EFHD2: variants seen among roughly 807,000 people sequenced by gnomAD.
The protein encoded by EFHD2 is EF-hand domain-containing protein D2.
EFHD2 carries 12 observed loss-of-function variants against 20.3 expected under a neutral mutation model. The observed-to-expected ratio is 0.59, with a 90% CI of 0.38 to 0.96. The LOEUF is 0.96. Ranked by LOEUF, EFHD2 falls within the 40% of genes least tolerant of loss-of-function variation. The pLI, the probability that EFHD2 is intolerant of heterozygous loss-of-function variation, is 0.00. For synonymous variants in EFHD2, 131 were observed against 143.9 expected, an observed-to-expected ratio of 0.91 and a Z score of 0.64; for missense variants, 250 against 334.3, an observed-to-expected ratio of 0.75 and a Z score of 1.97.
Position 15,417,201 on chromosome 1 carries a change from C to T in EFHD2, c.308+6922C>T, listed in dbSNP as rs549956955. On this transcript the variant is annotated intron_variant, in intron 1 of 3. Transcript: ENST00000375980. Reference sequence around the variant, plus strand: ...GGCTCAGGCCCCCGCACAGCCGTCTCCCCACCACTTCCTGAGGTTGACCTA... The same window carrying T: ...GGCTCAGGCCCCCGCACAGCCGTCTTCCCACCACTTCCTGAGGTTGACCTA... 2.5e-4 allele frequency among the ~76,000 whole-genome samples: 38 copies of T among 152,228 alleles called. 1 individual carries two copies. The highest frequency in any genetic ancestry group is 6.2e-4 in the South Asian group (3 of 4,838).
At chr1:15,419,972 T>C (rs1405919629) in intron 1 of EFHD2, among the ~76,000 whole-genome samples, 1 of 152,138 alleles carries the variant, frequency 6.6e-6, no homozygotes, top group African/African-American at 2.4e-5. Context: ...CTCCCAGAGA[T>C]GCTGGGGCTT....
chr1:15,427,828 C>A, intron 3 of EFHD2: 1 of 455,114 alleles, frequency 2.2e-6, no homozygotes, highest in South Asian at 1.6e-5. Context: ...TAAGAACATT[C>A]CTTCCAGAGA....
At chr1:15,427,710 C>T (rs1707897976) in intron 3 of EFHD2, among the ~76,000 whole-genome samples, 1 of 152,346 alleles carries the variant, frequency 6.6e-6, no homozygotes, top group East Asian at 1.9e-4. Context: ...ATGACACCCT[C>T]CCCTTTCAGC....
intron 1 of EFHD2, among the ~76,000 whole-genome samples, chr1:15,417,981 CTTTTTTTTTTTTTT>C (rs57589251): frequency 3.1e-5 from 3 of 97,090 alleles, no homozygotes; most frequent in African/African-American, 8.4e-5. Flanking sequence ...CTTTCTTTTT[CTTTTTTTTTTTTTT>C]TTTTTTTTTT....
chr1:15,424,504 A>C (rs922546423), intron 1 of EFHD2, among the ~76,000 whole-genome samples: 2 of 152,110 alleles, frequency 1.3e-5, no homozygotes, highest in Admixed American at 1.3e-4. Context: ...AGAACCTGAG[A>C]GTGCAGGGCA....
chr1:15,416,142 G>A (rs1005864815), intron 1 of EFHD2, among the ~76,000 whole-genome samples: 1 of 152,066 alleles, frequency 6.6e-6, no homozygotes, highest in East Asian at 1.9e-4. Flanking sequence ...CCACACCCCC[G>A]GCCCAGGACT....
chr1:15,410,186 C>G lies in EFHD2; in HGVS notation c.215C>G (p.Pro72Arg). Residue 72 changes from proline (P) to arginine (R), a missense_variant, in exon 1 of 4, where the codon CCC becomes CGC. Pro to Arg is a moderately radical substitution (Grantham distance 103). Around this residue, in one of 3 missense-constraint regions of EFHD2, gnomAD observed 143 missense variants for 190.6 expected, o/e 0.75. Coordinates refer to ENST00000375980, the MANE Select transcript of EFHD2 (RefSeq NM_024329.6). ...RADLNQGIGEPQSPSRRVFNP... is the reference protein window; with the variant it reads ...RADLNQGIGERQSPSRRVFNP... ...GACCTCAACCAGGGCATCGGCGAGCCCCAGTCGCCCAGCCGCCGCGTCTTC... is the reference window on the plus strand; with the variant it reads ...GACCTCAACCAGGGCATCGGCGAGCGCCAGTCGCCCAGCCGCCGCGTCTTC... 1 of 1,605,546 alleles carries G rather than the reference C, an allele frequency of 6.2e-7. No homozygotes were observed. Among genetic ancestry groups the G allele is most frequent in the South Asian group, 1.1e-5 (1 of 89,958 alleles).
chr1:15,414,343 G>A (rs894693426), intron 1 of EFHD2, among the ~76,000 whole-genome samples: 1 of 152,244 alleles, frequency 6.6e-6, no homozygotes, highest in African/African-American at 2.4e-5. Flanking sequence ...ACCTCTCCCA[G>A]GAGCCCTTCC....
At chr1:15,410,436 T>G (rs888705869) in intron 1 of EFHD2, among the ~76,000 whole-genome samples, 157 bp downstream of exon 1, 4 of 151,056 alleles carry the variant, frequency 2.6e-5, no homozygotes, top group Non-Finnish European at 5.9e-5. Context: ...GGCGGCCCCT[T>G]CCAGATCGAG....
chr1:15,423,662 A>G (rs1405468459), intron 1 of EFHD2, among the ~76,000 whole-genome samples: 3 of 152,226 alleles, frequency 2.0e-5, no homozygotes, highest in South Asian at 2.1e-4. Context: ...GCATAAAGAC[A>G]GATCTCAGTA....
chr1:15,416,610 G>A (rs1707676229), intron 1 of EFHD2, among the ~76,000 whole-genome samples: 1 of 152,142 alleles, frequency 6.6e-6, no homozygotes, highest in Non-Finnish European at 1.5e-5. Flanking sequence ...CAGTTAAGGA[G>A]GCTGGACTTT....
chr1:15,410,016 G>C lies in EFHD2; in HGVS notation c.45G>C (p.Gln15His). The change falls in exon 1 of 4, where the codon CAG (glutamine) becomes CAC (histidine). Residue 15 changes from glutamine (Q) to histidine (H), a missense_variant. Physicochemically the swap from Gln to His is conservative, Grantham distance 24. Coordinates refer to ENST00000375980, the MANE Select transcript of EFHD2 (RefSeq NM_024329.6). Reference protein sequence around the residue: ...ELATKLSRRLQMEGEGGGETP... With the variant: ...ELATKLSRRLHMEGEGGGETP... ...CCACCAAGCTGAGCCGGCGGCTGCA[G>C]ATGGAGGGCGAGGGCGGCGGCGAGA... 1 of 1,267,902 alleles carries C rather than the reference G, an allele frequency of 7.9e-7. No homozygotes were observed. Among genetic ancestry groups the C allele is most frequent in the East Asian group, 3.3e-5 (1 of 30,354 alleles). 78.5% of individuals were successfully genotyped at this position (1,267,902 alleles called of 1,614,324 possible). A position where few individuals can be genotyped will look rare whatever the true frequency, so the allele number is the denominator to read the frequency against.
intron 3 of EFHD2, among the ~76,000 whole-genome samples, chr1:15,428,356 G>A (rs972720747): frequency 3.3e-5 from 5 of 152,188 alleles, no homozygotes; most frequent in African/African-American, 7.2e-5. Flanking sequence ...AATTAGCCGG[G>A]CATGGTGGAG....
At chr1:15,415,321 G>A (rs1707642164) in intron 1 of EFHD2, among the ~76,000 whole-genome samples, 1 of 152,110 alleles carries the variant, frequency 6.6e-6, no homozygotes, top group Non-Finnish European at 1.5e-5. Flanking sequence ...TCTCATGAAT[G>A]ACACCATGCT....
rs954773144 is a variant in EFHD2, at chr1:15,410,205, C to T, written c.234C>T (p.Arg78=). The change falls in exon 1 of 4, where the codon CGC becomes CGT. Residue 78 remains arginine, a synonymous_variant. Coordinates refer to ENST00000375980, the MANE Select transcript of EFHD2 (RefSeq NM_024329.6). ...GIGEPQSPSR[R]VFNPYTEFKE... ...GCGAGCCCCAGTCGCCCAGCCGCCG[C>T]GTCTTCAACCCCTACACCGAGTTCA... 2 of 1,605,844 alleles carry T rather than the reference C, an allele frequency of 1.2e-6. No homozygotes were observed. The highest frequency in any genetic ancestry group is 1.4e-5 in the African/African-American group (1 of 73,676).
chr1:15,429,741 G>A lies in EFHD2; in HGVS notation c.*1017G>A, dbSNP rs1369573398. 6.6e-6 allele frequency: 1 copy of A among 152,624 alleles called. No individual in the cohort carries two copies. The highest frequency in any genetic ancestry group is 1.5e-5 in the Non-Finnish European group (1 of 68,128). The allele number at this position is 152,624 out of a possible 1,614,324, so 9.5% of individuals were successfully genotyped here. A position where few individuals can be genotyped will look rare whatever the true frequency, so the allele number is the denominator to read the frequency against. Reference sequence around the variant, plus strand: ...AGTGACGTCCACTGCCTTGTCACCAGCGACCTGCCTGTCATGCCCACCCCC... The same window carrying A: ...AGTGACGTCCACTGCCTTGTCACCAACGACCTGCCTGTCATGCCCACCCCC... On this transcript the variant is annotated 3_prime_UTR_variant, in exon 4 of 4. Coordinates refer to ENST00000375980, the MANE Select transcript of EFHD2 (RefSeq NM_024329.6).
intron 1 of EFHD2, among the ~76,000 whole-genome samples, chr1:15,421,786 G>T (rs1707795651): frequency 6.6e-6 from 1 of 152,196 alleles, no homozygotes; most frequent in African/African-American, 2.4e-5. Flanking sequence ...CTGACCTGCT[G>T]GTTATGGGAC....
chr1:15,410,070 A>AGCGGCGGCG lies in EFHD2; in HGVS notation c.107_115dup (p.Ala36_Ala38dup). The AGCGGCGGCG allele has an allele frequency of 7.3e-7, 1 of 1,377,258 alleles. No individual in the cohort carries two copies. The highest frequency in any genetic ancestry group is 9.3e-7 in the Non-Finnish European group (1 of 1,069,998). 85.3% of individuals were successfully genotyped at this position (1,377,258 alleles called of 1,614,324 possible). A position where few individuals can be genotyped will look rare whatever the true frequency, so the allele number is the denominator to read the frequency against. On this transcript the variant is annotated inframe_insertion, in exon 1 of 4. Transcript: ENST00000375980. ...CGGAGCAGCCCGGGCTGAACGGGGC[A>AGCGGCGGCG]GCGGCGGCGGCGGCGGGGGCACCCG...
rs2103283124 is a variant in EFHD2 at position 15,430,138 on chromosome 1, T to G, written c.*1414T>G. 6.6e-6 allele frequency: 1 copy of G among 152,612 alleles called. No homozygotes were observed. The highest frequency in any genetic ancestry group is 1.9e-4 in the East Asian group (1 of 5,200). The allele number at this position is 152,612 out of a possible 1,614,324, so 9.5% of individuals were successfully genotyped here. A position where few individuals can be genotyped will look rare whatever the true frequency, so the allele number is the denominator to read the frequency against. ...AGGCACCGAGCCCAGCGCAGCAGCC[T>G]CGGACCCGGATTGCGTTTGCCTTAG... On this transcript the variant is annotated 3_prime_UTR_variant, in exon 4 of 4. Transcript: ENST00000375980.
Sources: gnomAD v4.1 joint callset for allele counts (sites outside exome capture counted in the v4.1 genomes callset) on GRCh38, gnomAD v4.1.1 for gene constraint, gnomAD v4.1.1 regional missense constraint, MANE v1.5 for transcripts, NCBI Gene and HGNC (gene_info 2026-07-23, HGNC 2026-07-21) for gene names.